The following MKLN1 variants were observed in gnomAD, a reference collection of about 807,000 sequenced individuals.
MKLN1 encodes the protein muskelin.
In MKLN1, 18 loss-of-function variants were observed where a neutral mutation model predicts 99.0. The ratio of observed to expected loss-of-function variants is 0.18; its 90% CI spans 0.13 to 0.27. MKLN1 has a LOEUF of 0.27. Ranked by LOEUF, MKLN1 falls within the 10% of genes least tolerant of loss-of-function variation. The probability of loss-of-function intolerance (pLI) is 1.00; values close to 1 mark genes in which losing one functional copy is unlikely to be tolerated. For synonymous variants in MKLN1, 288 were observed against 293.2 expected (o/e 0.98, Z 0.18); for missense variants, 621 against 875.9 (o/e 0.71, Z 3.67).
At chr7:131,374,357 AT>A (rs1236763534) in intron 1 of MKLN1, among the ~76,000 whole-genome samples, 1 of 152,060 alleles carries the variant, frequency 6.6e-6, no homozygotes, top group Non-Finnish European at 1.5e-5. Context: ...GAATTAGAAA[AT>A]ACTGTTTGTG....
intron 2 of MKLN1, 80 bp downstream of exon 2, chr7:131,375,573 T>C (rs1793618215): frequency 1.2e-6 from 1 of 836,206 alleles, no homozygotes; most frequent in African/African-American, 1.7e-5. Context: ...TTATCTGGAA[T>C]CTACTAATAG....
chr7:131,269,921 A>C (rs184064502), intron 3 of MKLN1, among the ~76,000 whole-genome samples: 528 of 151,530 alleles, frequency 3.5e-3, no homozygotes, highest in African/African-American at 0.012. Context: ...TTTTTATTTT[A>C]TTTTATTTTA....
At chr7:131,176,504 G>C (rs940930016) in intron 2 of MKLN1, among the ~76,000 whole-genome samples, 3 of 152,170 alleles carry the variant, frequency 2.0e-5, no homozygotes, top group African/African-American at 7.2e-5. Context: ...CATTTACAAA[G>C]TTTTTGTCAA....
In MKLN1 at chr7:131,496,153, G is replaced by T. The variant is rs1424680733; in HGVS notation, c.*8425G>T. On this transcript the variant is annotated 3_prime_UTR_variant, in exon 18 of 18. Coordinates refer to ENST00000352689, the MANE Select transcript of MKLN1 (RefSeq NM_013255.5). ...TTTCAGATGAGACTCAATGTGTGGA[G>T]AAAACCGCTAACTTGTTTGGTTCTA... 3 of 152,094 alleles carry T rather than the reference G, an allele frequency of 2.0e-5. No individual in the cohort carries two copies. Among genetic ancestry groups the T allele is most frequent in the African/African-American group, 7.3e-5 (3 of 41,348 alleles). 9.4% of individuals were successfully genotyped at this position (152,094 alleles called of 1,614,324 possible).
Position 131,196,449 on chromosome 7 carries a change from A to T in MKLN1, c.-296-6408A>T, listed in dbSNP as rs558224369. Among the ~76,000 whole-genome samples the T allele has an allele frequency of 4.6e-5, 7 of 152,366 alleles. No individual in the cohort carries two copies. The East Asian group carries it at 7.7e-4, about 17-fold the overall frequency. ...GGAAAAAAGGCTGAACAACCTTTTT[A>T]GGCCAAATCTACTTATTTATTTATT... On this transcript the variant is annotated intron_variant, in intron 2 of 7. Transcript: ENST00000416992.
At chr7:131,345,801 A>G (rs1044345001) in intron 1 of MKLN1, among the ~76,000 whole-genome samples, 3 of 152,300 alleles carry the variant, frequency 2.0e-5, no homozygotes, top group South Asian at 2.1e-4. Flanking sequence ...ACATGAGACA[A>G]TTGTTTTGAA....
chr7:131,120,296 C>T (rs771836681), intron 1 of MKLN1, among the ~76,000 whole-genome samples: 11 of 151,466 alleles, frequency 7.3e-5, no homozygotes, highest in African/African-American at 1.7e-4. Context: ...GAGGCCGAGG[C>T]GGGTGGATCA....
chr7:131,134,508 G>C (rs752851269), intron 1 of MKLN1, among the ~76,000 whole-genome samples: 1 of 152,096 alleles, frequency 6.6e-6, no homozygotes, highest in Non-Finnish European at 1.5e-5. Flanking sequence ...TCATTCATTT[G>C]CACTGGATAT....
intron 3 of MKLN1, among the ~76,000 whole-genome samples, chr7:131,312,387 T>C (rs1194474605): frequency 6.6e-6 from 1 of 152,222 alleles, no homozygotes; most frequent in Non-Finnish European, 1.5e-5. Flanking sequence ...AGCAGATTAA[T>C]GCTCCAAGAA....
At chr7:131,211,829 T>C (rs1796910743) in intron 3 of MKLN1, among the ~76,000 whole-genome samples, 1 of 152,166 alleles carries the variant, frequency 6.6e-6, no homozygotes, top group Non-Finnish European at 1.5e-5. Context: ...TGTTTATGTA[T>C]CCCAAGTGGC....
At chr7:131,395,234 C>A (rs1258892564) in intron 4 of MKLN1, among the ~76,000 whole-genome samples, 2 of 151,800 alleles carry the variant, frequency 1.3e-5, no homozygotes, top group Non-Finnish European at 2.9e-5. Flanking sequence ...GTTTTTCTTT[C>A]AAGAATAAAA....
chr7:131,157,830 A>G (rs1432935902), intron 2 of MKLN1, among the ~76,000 whole-genome samples: 3 of 152,170 alleles, frequency 2.0e-5, no homozygotes, highest in African/African-American at 7.2e-5. Context: ...TTTACCCCAA[A>G]TTAGTTGGGA....
At chr7:131,184,773 C>T (rs533519502) in intron 2 of MKLN1, among the ~76,000 whole-genome samples, 63 of 152,230 alleles carry the variant, frequency 4.1e-4, no homozygotes, top group African/African-American at 8.7e-4. Context: ...GTGATCTGCC[C>T]GCCTTGGCCT....
chr7:131,419,168 C>T (rs367643220), intron 8 of MKLN1, among the ~76,000 whole-genome samples: 1 of 148,854 alleles, frequency 6.7e-6, no homozygotes, highest in African/African-American at 2.5e-5. Context: ...AGTCTTTAAA[C>T]GGTGTGCAAA....
intron 12 of MKLN1, among the ~76,000 whole-genome samples, chr7:131,447,542 A>C (rs556190782): frequency 6.6e-6 from 1 of 152,286 alleles, no homozygotes; most frequent in African/African-American, 2.4e-5. Flanking sequence ...TCTATAAAAT[A>C]AAAATAAAAT....
chr7:131,234,959 A>T (rs1797296694), intron 3 of MKLN1, among the ~76,000 whole-genome samples: 1 of 152,176 alleles, frequency 6.6e-6, no homozygotes, highest in Non-Finnish European at 1.5e-5. Context: ...GGAAAACAAG[A>T]TGCATTATCT....
At chr7:131,399,165 T>G (rs1435217780) in intron 5 of MKLN1, 76 bp from the exon 6 acceptor site, 2 of 1,273,518 alleles carry the variant, frequency 1.6e-6, no homozygotes, top group Non-Finnish European at 2.3e-6. Flanking sequence ...ATTAGTTATT[T>G]TTACTGTTGT....
chr7:131,483,346 C>T (rs1378359039), intron 17 of MKLN1, among the ~76,000 whole-genome samples: 3 of 152,098 alleles, frequency 2.0e-5, no homozygotes, highest in Non-Finnish European at 2.9e-5. Flanking sequence ...ATCACTTATA[C>T]GTAATACATC....
intron 3 of MKLN1, among the ~76,000 whole-genome samples, chr7:131,205,645 G>A (rs950782612): frequency 6.6e-6 from 1 of 152,078 alleles, no homozygotes; most frequent in Admixed American, 6.5e-5. Context: ...GGGGGCTCGG[G>A]GGAAGACTCT....
Sources: gnomAD v4.1 joint callset for allele counts (sites outside exome capture counted in the v4.1 genomes callset) on GRCh38, gnomAD v4.1.1 for gene constraint, MANE v1.5 for transcripts, NCBI Gene and HGNC (gene_info 2026-07-23, HGNC 2026-07-21) for gene names.